NKAIN2: variants seen among roughly 807,000 people sequenced by gnomAD.
NKAIN2 encodes the protein sodium/potassium transporting ATPase interacting 2, also known as sodium/potassium-transporting ATPase subunit beta-1-interacting protein 2.
Under a neutral mutation model 32.6 loss-of-function variants are expected in NKAIN2, and 14 were observed. The observed-to-expected ratio is 0.43, with a 90% CI of 0.28 to 0.67. The LOEUF (loss-of-function observed/expected upper bound fraction) is 0.67, where lower values mean the gene tolerates loss of function less well. Ranked by LOEUF, NKAIN2 falls within the 30% of genes least tolerant of loss-of-function variation. NKAIN2 has a pLI of 0.17. For synonymous variants in NKAIN2, 80 were observed against 87.2 expected (o/e 0.92, Z 0.46); for missense variants, 198 against 258.3 (o/e 0.77, Z 1.60).
At chr6:123,890,884 A>G (rs1582724122) in intron 1 of NKAIN2, among the ~76,000 whole-genome samples, 2 of 152,126 alleles carry the variant, frequency 1.3e-5, no homozygotes, top group Admixed American at 6.6e-5. Flanking sequence ...CTATATACCA[A>G]TGTTCATAGT....
At chr6:123,962,026 G>T (rs1161677316) in intron 1 of NKAIN2, among the ~76,000 whole-genome samples, 5 of 152,018 alleles carry the variant, frequency 3.3e-5, no homozygotes, top group Admixed American at 6.6e-5. Flanking sequence ...TTGTTATTTT[G>T]TCACTTTCTA....
intron 1 of NKAIN2, among the ~76,000 whole-genome samples, chr6:124,273,628 A>G (rs918855948): frequency 6.6e-6 from 1 of 152,176 alleles, no homozygotes; most frequent in African/African-American, 2.4e-5. Flanking sequence ...TTGGGTTTCC[A>G]CACCTCACTA....
chr6:124,197,431 A>G (rs951046866), intron 1 of NKAIN2, among the ~76,000 whole-genome samples: 9 of 152,104 alleles, frequency 5.9e-5, no homozygotes, highest in Non-Finnish European at 1.3e-4. Flanking sequence ...ATTTGGTTGT[A>G]TTATGACTAC....
chr6:124,178,110 A>G (rs1366544143), intron 1 of NKAIN2, among the ~76,000 whole-genome samples: 1 of 151,986 alleles, frequency 6.6e-6, no homozygotes, highest in Non-Finnish European at 1.5e-5. Flanking sequence ...TACCATGTGA[A>G]GATGCAGCAA....
chr6:123,921,327 T>G (rs754939762), intron 1 of NKAIN2, among the ~76,000 whole-genome samples: 2 of 152,246 alleles, frequency 1.3e-5, no homozygotes, highest in African/African-American at 4.8e-5. Flanking sequence ...AGCAAAACTC[T>G]GCCTTACTAT....
At chr6:123,884,628 T>A (rs1388190214) in intron 1 of NKAIN2, among the ~76,000 whole-genome samples, 2 of 152,158 alleles carry the variant, frequency 1.3e-5, no homozygotes, top group African/African-American at 4.8e-5. Flanking sequence ...TGGTTATGAT[T>A]TCTACATTTT....
intron 3 of NKAIN2, among the ~76,000 whole-genome samples, chr6:124,472,815 T>C (rs866631554): frequency 3.3e-5 from 5 of 152,228 alleles, no homozygotes; most frequent in Middle Eastern, 3.4e-3. Context: ...CTAGTAGATG[T>C]ACATAATTCT....
rs56981378 is a variant in NKAIN2 at position 124,247,938 on chromosome 6, AAG to A, written c.55-35064_55-35063del. Among the ~76,000 whole-genome samples, 792 of 152,234 alleles carry A rather than the reference AAG, an allele frequency of 5.2e-3. 12 individuals are homozygous for A. Among genetic ancestry groups the A allele is most frequent in the African/African-American group, 0.019 (777 of 41,566 alleles). On this transcript the variant is annotated intron_variant, in intron 1 of 6. Coordinates refer to ENST00000368417, the MANE Select transcript of NKAIN2 (RefSeq NM_001040214.3). ...GGAAGAGTCTTCTAAGATGAATTAA[AAG>A]AGTGTTAGCTATTGTTGAAATAATC...
intron 1 of NKAIN2, among the ~76,000 whole-genome samples, chr6:124,167,220 A>G (rs1788597524): frequency 6.6e-6 from 1 of 150,656 alleles, no homozygotes; most frequent in Non-Finnish European, 1.5e-5. Flanking sequence ...GTTCTCCTTG[A>G]AGAGGTCCTT....
At chr6:124,620,475 A>G (rs1026688840) in intron 3 of NKAIN2, among the ~76,000 whole-genome samples, 4 of 152,220 alleles carry the variant, frequency 2.6e-5, no homozygotes, top group Non-Finnish European at 4.4e-5. Flanking sequence ...ATACAATGCT[A>G]ACTTCAACCA....
rs148699398 is a variant in NKAIN2 at position 124,675,931 on chromosome 6, A to G, written c.474+17545A>G. ...GTTGTAAAGTTACATTGTTTGTTTA[A>G]TATCTTTCTTCTTTTTTAATGTATG... is the stretch of plus-strand genomic sequence containing the variant. On this transcript the variant is annotated intron_variant, in intron 4 of 6. Coordinates refer to ENST00000368417, the MANE Select transcript of NKAIN2 (RefSeq NM_001040214.3). 3.5e-3 allele frequency among the ~76,000 whole-genome samples: 530 copies of G among 150,108 alleles called. 1 individual carries two copies. Among genetic ancestry groups the G allele is most frequent in the Middle Eastern group, 0.014 (4 of 290 alleles).
intron 3 of NKAIN2, among the ~76,000 whole-genome samples, chr6:124,462,791 T>A (rs1050260434): frequency 6.6e-6 from 1 of 152,090 alleles, no homozygotes; most frequent in African/African-American, 2.4e-5. Flanking sequence ...TATATCTCTA[T>A]TGAGTACCAC....
At chr6:124,246,553 AT>A in intron 1 of NKAIN2, among the ~76,000 whole-genome samples, 1 of 152,010 alleles carries the variant, frequency 6.6e-6, no homozygotes, top group East Asian at 1.9e-4. Flanking sequence ...TTTATGACCT[AT>A]TTTGGGAGGA....
At chr6:124,216,837 C>T (rs1791505750) in intron 1 of NKAIN2, among the ~76,000 whole-genome samples, 1 of 151,956 alleles carries the variant, frequency 6.6e-6, no homozygotes, top group Non-Finnish European at 1.5e-5. Flanking sequence ...GAAACCTAAC[C>T]CTATATTTTC....
intron 3 of NKAIN2, among the ~76,000 whole-genome samples, chr6:124,564,261 A>T (rs996470255): frequency 6.7e-6 from 1 of 148,762 alleles, no homozygotes; most frequent in African/African-American, 2.6e-5. Flanking sequence ...AAATGCAGCA[A>T]TCAGCACTCT....
At chr6:124,140,766 A>C (rs1373612881) in intron 1 of NKAIN2, among the ~76,000 whole-genome samples, 1 of 152,170 alleles carries the variant, frequency 6.6e-6, no homozygotes, top group Non-Finnish European at 1.5e-5. Context: ...AAAAAATTTT[A>C]ATTACTAAAA....
intron 1 of NKAIN2, among the ~76,000 whole-genome samples, chr6:124,269,198 AC>A (rs891559950): frequency 1.3e-5 from 2 of 152,098 alleles, no homozygotes; most frequent in Non-Finnish European, 2.9e-5. Context: ...TATTACACTT[AC>A]CCATGGAAAG....
At chr6:124,712,720 A>T (rs1230458928) in intron 4 of NKAIN2, among the ~76,000 whole-genome samples, 1 of 151,518 alleles carries the variant, frequency 6.6e-6, no homozygotes, top group Non-Finnish European at 1.5e-5. Flanking sequence ...CCCTAGTGAG[A>T]TGAACCTGGT....
intron 1 of NKAIN2, among the ~76,000 whole-genome samples, chr6:123,961,212 T>C (rs1178756086): frequency 1.3e-5 from 2 of 151,824 alleles, no homozygotes; most frequent in Admixed American, 6.6e-5. Context: ...GTGCCATAAA[T>C]GCATTGAGTT....
Sources: allele counts gnomAD v4.1 joint callset (sites outside exome capture counted in the v4.1 genomes callset), GRCh38; gene constraint gnomAD v4.1.1; transcripts MANE v1.5; gene names NCBI Gene and HGNC (gene_info 2026-07-23, HGNC 2026-07-21).